The following UVRAG variants were observed in gnomAD, a reference collection of about 807,000 sequenced individuals.
UVRAG encodes UV radiation resistance associated.
UVRAG carries 19 observed loss-of-function variants against 78.0 expected under a neutral mutation model. The ratio of observed to expected loss-of-function variants is 0.24; its 90% CI spans 0.17 to 0.36. The LOEUF is 0.36. Among genes scored for constraint, UVRAG ranks in the 10% least tolerant of loss-of-function variants. The pLI is 1.00. For synonymous variants in UVRAG, 323 were observed against 324.6 expected (o/e 1.00, Z 0.05); for missense variants, 740 against 853.8 (o/e 0.87, Z 1.66).
intron 7 of UVRAG, among the ~76,000 whole-genome samples, chr11:75,976,292 C>T (rs1227264499): frequency 1.3e-5 from 2 of 152,194 alleles, no homozygotes; most frequent in African/African-American, 2.4e-5. Context: ...AGGATTTTTA[C>T]ATCAATGTTC....
At chr11:75,932,207 C>A (rs1591032907) in intron 6 of UVRAG, among the ~76,000 whole-genome samples, 1 of 152,024 alleles carries the variant, frequency 6.6e-6, no homozygotes, top group Admixed American at 6.5e-5. Context: ...CATTAAAAAT[C>A]CGCTAAGCAA....
At chr11:76,068,984 G>T (rs1187170209) in intron 13 of UVRAG, among the ~76,000 whole-genome samples, 1 of 152,192 alleles carries the variant, frequency 6.6e-6, no homozygotes, top group African/African-American at 2.4e-5. Context: ...GAAAGCATTG[G>T]CATGTGTTAA....
At chr11:76,121,695 A>AC (rs898281509) in intron 14 of UVRAG, among the ~76,000 whole-genome samples, 13 of 151,896 alleles carry the variant, frequency 8.6e-5, no homozygotes, top group Non-Finnish European at 1.2e-4. Context: ...TTCTCAACAG[A>AC]CCCCCAGGCA....
chr11:75,994,170 A>T (rs573324652), intron 8 of UVRAG, among the ~76,000 whole-genome samples: 101 of 152,326 alleles, frequency 6.6e-4, no homozygotes, highest in Non-Finnish European at 1.2e-3. Context: ...GGTGCCTGGG[A>T]AGTGGTATTA....
In UVRAG at chr11:75,971,773, C is replaced by T. The variant is rs140972846; in HGVS notation, c.699+10224C>T. On this transcript the variant is annotated intron_variant, in intron 7 of 14. Coordinates refer to ENST00000356136, the MANE Select transcript of UVRAG (RefSeq NM_003369.4). ...CGATCCTGGTTCACTGAAACCTCTA[C>T]CTCCCAGGTTCAAGCGATTTTCCTC... 9.9e-5 allele frequency among the ~76,000 whole-genome samples: 15 copies of T among 152,140 alleles called. No homozygotes were observed. In the Middle Eastern group the frequency reaches 0.01, roughly 103 times the overall value.
At chr11:76,106,322 C>A (rs1194598040) in intron 13 of UVRAG, among the ~76,000 whole-genome samples, 2 of 152,048 alleles carry the variant, frequency 1.3e-5, no homozygotes, top group African/African-American at 4.8e-5. Context: ...GTGTATAGTT[C>A]TTTGCACCAA....
chr11:75,894,201 C>T (rs1012127008), intron 5 of UVRAG, among the ~76,000 whole-genome samples: 7 of 152,088 alleles, frequency 4.6e-5, no homozygotes, highest in Non-Finnish European at 1.0e-4. Context: ...GTAGTCTGGA[C>T]CGCTGCTTGT....
At chr11:76,105,607 G>A (rs1951954919) in intron 13 of UVRAG, among the ~76,000 whole-genome samples, 1 of 151,750 alleles carries the variant, frequency 6.6e-6, no homozygotes, top group Admixed American at 6.6e-5. Context: ...AAACTTAGCT[G>A]GGTGTGGTGG....
chr11:75,896,132 T>G (rs1344870303), intron 5 of UVRAG, among the ~76,000 whole-genome samples: 1 of 152,212 alleles, frequency 6.6e-6, no homozygotes, highest in Non-Finnish European at 1.5e-5. Flanking sequence ...GAAGAGCACT[T>G]CAGGAAGAGG....
intron 4 of UVRAG, among the ~76,000 whole-genome samples, chr11:75,882,365 T>G (rs964682321): frequency 1.3e-5 from 2 of 151,804 alleles, no homozygotes; most frequent in Non-Finnish European, 2.9e-5. Flanking sequence ...ATACAAAAAT[T>G]AACTGGGCAC....
At chr11:76,043,142 A>G (rs967164611) in intron 12 of UVRAG, among the ~76,000 whole-genome samples, 3 of 152,248 alleles carry the variant, frequency 2.0e-5, no homozygotes, top group African/African-American at 7.2e-5. Flanking sequence ...AAAAAATAAT[A>G]TCTGTTGTCA....
chr11:76,091,295 T>A (rs1951691587), intron 13 of UVRAG, among the ~76,000 whole-genome samples: 1 of 152,196 alleles, frequency 6.6e-6, no homozygotes. Flanking sequence ...CTTTTTATTT[T>A]TAGAAATTTG....
chr11:75,918,966 A>G (rs1274139760), intron 6 of UVRAG, among the ~76,000 whole-genome samples: 1 of 152,130 alleles, frequency 6.6e-6, no homozygotes, highest in Non-Finnish European at 1.5e-5. Context: ...GGATTTTGTG[A>G]CTTTCAATCC....
chr11:76,123,843 G>A (rs1485794985), intron 14 of UVRAG, among the ~76,000 whole-genome samples: 2 of 152,144 alleles, frequency 1.3e-5, no homozygotes, highest in Non-Finnish European at 2.9e-5. Context: ...TCAGCTCATT[G>A]CAACCCCCAC....
intron 7 of UVRAG, among the ~76,000 whole-genome samples, chr11:75,971,946 C>T (rs761165405): frequency 3.9e-5 from 6 of 152,166 alleles, no homozygotes; most frequent in African/African-American, 1.4e-4. Context: ...CAGCCTTGGC[C>T]TCCCAATGTG....
rs1296898107 is a variant in UVRAG, at chr11:75,967,628, AATAC to A, written c.699+6082_699+6085del. On this transcript the variant is annotated intron_variant, in intron 7 of 14. Transcript: ENST00000356136. ...CCTTAAAAATCTCAAAGAATTCAGT[AATAC>A]ATTTTTATGAAAAATAAGCATATTT... 3.9e-5 allele frequency among the ~76,000 whole-genome samples: 6 copies of A among 152,326 alleles called. No homozygotes were observed. The East Asian group carries it at 1.2e-3, about 29-fold the overall frequency.
chr11:75,829,606 C>T (rs77276919), intron 1 of UVRAG, among the ~76,000 whole-genome samples: 8,308 of 149,536 alleles, frequency 0.056, 770 homozygotes, highest in African/African-American at 0.2. Context: ...TGGACCTAAC[C>T]TTCTGGTGCA....
chr11:75,853,788 T>A (rs954925559), intron 2 of UVRAG, among the ~76,000 whole-genome samples: 3 of 151,412 alleles, frequency 2.0e-5, no homozygotes, highest in African/African-American at 2.4e-5. Flanking sequence ...TTATTTATTT[T>A]TTGAGGCAGA....
At chr11:75,815,667 A>G (rs902882843) in intron 1 of UVRAG, 143 bp downstream of exon 1, 7 of 453,636 alleles carry the variant, frequency 1.5e-5, no homozygotes, top group Non-Finnish European at 2.5e-5. Context: ...GACTGTCAGG[A>G]GGTTTGTGCG....
Sources: gnomAD v4.1 joint callset for allele counts (sites outside exome capture counted in the v4.1 genomes callset) on GRCh38, gnomAD v4.1.1 for gene constraint, MANE v1.5 for transcripts, NCBI Gene and HGNC (gene_info 2026-07-23, HGNC 2026-07-21) for gene names.